PPP3CA: variants seen among roughly 807,000 people sequenced by gnomAD.
PPP3CA encodes the protein CAM-PRP catalytic subunit.
A neutral mutation model predicts 66.5 loss-of-function variants in PPP3CA; 14 were observed. The observed-to-expected ratio is 0.21, with a 90% CI of 0.14 to 0.33. The LOEUF is 0.33. Among genes scored for constraint, PPP3CA ranks in the 10% least tolerant of loss-of-function variants. PPP3CA has a pLI of 1.00. For synonymous variants in PPP3CA, 232 were observed against 226.2 expected (o/e 1.03, Z -0.23); for missense variants, 317 against 639.5 (o/e 0.50, Z 5.44).
At chr4:101,212,087 T>C (rs986730907) in intron 1 of PPP3CA, among the ~76,000 whole-genome samples, 1 of 151,974 alleles carries the variant, frequency 6.6e-6, no homozygotes, top group African/African-American at 2.4e-5. Flanking sequence ...AACTTATATA[T>C]TCTTAATTAT....
At position 101,106,453 on chromosome 4, in the gene PPP3CA, G is replaced by GAAAGAAAGAAAGAAAGAAAGAAGAGAAA. The variant is rs775018059; in HGVS notation, c.384+2500_384+2501insTTTCTCTTCTTTCTTTCTTTCTTTCTTT. On this transcript the variant is annotated intron_variant, in intron 3 of 13. Coordinates refer to ENST00000394854, the MANE Select transcript of PPP3CA (RefSeq NM_000944.5). ...AGAAAGAAAGAAAGAAAGAAAGAAA[G>GAAAGAAAGAAAGAAAGAAAGAAGAGAAA]AGAAAAGAAAAGAAAAGAAAAGAAA... Among the ~76,000 whole-genome samples the GAAAGAAAGAAAGAAAGAAAGAAGAGAAA allele has an allele frequency of 2.3e-3, 83 of 35,518 alleles. 8 individuals carry two copies. The highest frequency in any genetic ancestry group is 3.4e-3 in the Non-Finnish European group (65 of 19,016). 23.3% of individuals were successfully genotyped at this position (35,518 alleles called of 152,430 possible).
At chr4:101,221,582 C>T (rs1174619466) in intron 1 of PPP3CA, among the ~76,000 whole-genome samples, 1 of 151,250 alleles carries the variant, frequency 6.6e-6, no homozygotes, top group Non-Finnish European at 1.5e-5. Context: ...CAAAACAAAA[C>T]AAAATAAAAA....
chr4:101,159,399 G>A (rs1206124505), intron 2 of PPP3CA, among the ~76,000 whole-genome samples: 1 of 151,986 alleles, frequency 6.6e-6, no homozygotes, highest in Non-Finnish European at 1.5e-5. Flanking sequence ...CCTACCCCAG[G>A]ATAAGAACAG....
intron 12 of PPP3CA, among the ~76,000 whole-genome samples, chr4:101,030,177 A>G (rs1268993308): frequency 6.6e-6 from 1 of 152,158 alleles, no homozygotes; most frequent in Non-Finnish European, 1.5e-5. Context: ...ATACTTCCCT[A>G]ATGAAATCTT....
chr4:101,134,282 C>CT (rs1186998896), intron 2 of PPP3CA, among the ~76,000 whole-genome samples: 1 of 152,078 alleles, frequency 6.6e-6, no homozygotes, highest in Non-Finnish European at 1.5e-5. Context: ...GCAAAAGAAA[C>CT]TATCATCAGA....
At chr4:101,192,704 G>A (rs1724645848) in intron 2 of PPP3CA, among the ~76,000 whole-genome samples, 1 of 152,106 alleles carries the variant, frequency 6.6e-6, no homozygotes, top group African/African-American at 2.4e-5. Context: ...TCAATATCAT[G>A]TAATCTGTCA....
intron 3 of PPP3CA, among the ~76,000 whole-genome samples, chr4:101,106,410 AAAGAAAGAAAG>A (rs1730692719): frequency 9.8e-5 from 1 of 10,218 alleles, no homozygotes; most frequent in African/African-American, 3.2e-4. Flanking sequence ...AGAAAGAAAG[AAAGAAAGAAAG>A]AAAGAAAGAA....
intron 1 of PPP3CA, among the ~76,000 whole-genome samples, chr4:101,224,415 TC>T (rs1411661763): frequency 6.6e-6 from 1 of 151,902 alleles, no homozygotes; most frequent in Non-Finnish European, 1.5e-5. Context: ...TCTCTGCATT[TC>T]TTATCATTTC....
intron 1 of PPP3CA, among the ~76,000 whole-genome samples, chr4:101,321,182 T>C (rs758262013): frequency 2.0e-5 from 3 of 152,220 alleles, no homozygotes; most frequent in Non-Finnish European, 4.4e-5. Context: ...CTCACCTACA[T>C]TTTATAGATA....
intron 2 of PPP3CA, among the ~76,000 whole-genome samples, chr4:101,151,008 A>T (rs1578497014): frequency 6.6e-6 from 1 of 152,210 alleles, no homozygotes; most frequent in East Asian, 1.9e-4. Context: ...GTATAATCAA[A>T]ATTTAAAATT....
At chr4:101,163,079 T>A (rs1723571098) in intron 2 of PPP3CA, among the ~76,000 whole-genome samples, 1 of 152,160 alleles carries the variant, frequency 6.6e-6, no homozygotes, top group Non-Finnish European at 1.5e-5. Flanking sequence ...CTACAGGTTT[T>A]GGTAAAAACT....
intron 12 of PPP3CA, among the ~76,000 whole-genome samples, chr4:101,030,297 C>G (rs1726882970): frequency 6.6e-6 from 1 of 152,074 alleles, no homozygotes; most frequent in Admixed American, 6.6e-5. Context: ...ACAGCAACTG[C>G]AAAATGTGCA....
intron 1 of PPP3CA, among the ~76,000 whole-genome samples, chr4:101,321,399 G>A (rs956131615): frequency 7.9e-5 from 12 of 152,176 alleles, no homozygotes; most frequent in African/African-American, 2.9e-4. Flanking sequence ...TTTCAGTGTT[G>A]GGTGTTACTG....
intron 1 of PPP3CA, among the ~76,000 whole-genome samples, chr4:101,292,282 G>C (rs1728053067): frequency 6.6e-6 from 1 of 152,128 alleles, no homozygotes; most frequent in Non-Finnish European, 1.5e-5. Context: ...TAAAATATGG[G>C]TGTTTTGTAC....
At chr4:101,232,824 C>T (rs1269173252) in intron 1 of PPP3CA, among the ~76,000 whole-genome samples, 1 of 151,524 alleles carries the variant, frequency 6.6e-6, no homozygotes, top group Non-Finnish European at 1.5e-5. Context: ...CTGAAAATGT[C>T]AATTTTTAAA....
intron 1 of PPP3CA, among the ~76,000 whole-genome samples, chr4:101,289,456 T>G (rs759660006): frequency 6.6e-6 from 1 of 152,196 alleles, no homozygotes. Context: ...TCATTTGAGG[T>G]AGACTATTAT....
chr4:101,267,180 G>GA (rs1451051539), intron 1 of PPP3CA, among the ~76,000 whole-genome samples: 2 of 152,130 alleles, frequency 1.3e-5, no homozygotes, highest in Non-Finnish European at 2.9e-5. Flanking sequence ...TTCAGTGTTA[G>GA]AAAAAAGTAT....
intron 1 of PPP3CA, among the ~76,000 whole-genome samples, chr4:101,327,060 A>G (rs1355448875): frequency 2.6e-5 from 4 of 152,244 alleles, no homozygotes; most frequent in Admixed American, 6.5e-5. Flanking sequence ...TCACTGTCGG[A>G]AACCTTGTGA....
chr4:101,256,238 T>C (rs1300088813), intron 1 of PPP3CA, among the ~76,000 whole-genome samples: 1 of 151,926 alleles, frequency 6.6e-6, no homozygotes, highest in Non-Finnish European at 1.5e-5. Flanking sequence ...TCAGAGTCTA[T>C]AGAGTTAACT....
Sources: allele counts gnomAD v4.1 joint callset (sites outside exome capture counted in the v4.1 genomes callset), GRCh38; gene constraint gnomAD v4.1.1; transcripts MANE v1.5; gene names NCBI Gene and HGNC (gene_info 2026-07-23, HGNC 2026-07-21).